Variants in KCNH1 observed in about 807,000 individuals in gnomAD.
KCNH1 encodes voltage-gated delayed rectifier potassium channel KCNH1.
A neutral mutation model predicts 69.2 loss-of-function variants in KCNH1; 27 were observed. The ratio of observed to expected loss-of-function variants is 0.39; its 90% confidence interval spans 0.29 to 0.54. The LOEUF (loss-of-function observed/expected upper bound fraction) is 0.54, where lower values mean the gene tolerates loss of function less well. KCNH1 is among the 20% of genes least tolerant of loss of function. The pLI is 0.68. For synonymous variants in KCNH1, 456 were observed against 487.7 expected (o/e 0.93, Z 0.86); for missense variants, 798 against 1,261.6 (o/e 0.63, Z 5.57).
At chr1:211,005,809 A>G (rs139208841) in intron 6 of KCNH1, among the ~76,000 whole-genome samples, 1 of 152,274 alleles carries the variant, frequency 6.6e-6, no homozygotes, top group South Asian at 2.1e-4. Flanking sequence ...AAAAACACAC[A>G]GTAGGGAAAA....
intron 1 of KCNH1, among the ~76,000 whole-genome samples, chr1:211,119,591 G>A (rs1290791656): frequency 6.6e-6 from 1 of 151,802 alleles, no homozygotes; most frequent in Non-Finnish European, 1.5e-5. Flanking sequence ...AGAATGGAGA[G>A]GATGGAATGA....
At chr1:210,764,352 A>G (rs1365600918) in intron 10 of KCNH1, among the ~76,000 whole-genome samples, 1 of 152,176 alleles carries the variant, frequency 6.6e-6, no homozygotes, top group Non-Finnish European at 1.5e-5. Context: ...TGCAACAAAA[A>G]TTAAAATTGA....
intron 6 of KCNH1, among the ~76,000 whole-genome samples, chr1:210,923,721 G>C (rs541175694): frequency 7.9e-5 from 12 of 152,266 alleles, no homozygotes; most frequent in Admixed American, 5.9e-4. Flanking sequence ...ACATTGCCTT[G>C]CATTAATTTC....
At chr1:210,902,604 G>A (rs1687019426) in intron 7 of KCNH1, among the ~76,000 whole-genome samples, 1 of 152,206 alleles carries the variant, frequency 6.6e-6, no homozygotes, top group South Asian at 2.1e-4. Flanking sequence ...ATGGCTGAAA[G>A]TGGTGGTTTC....
At chr1:211,086,447 C>T (rs1690953966) in intron 4 of KCNH1, among the ~76,000 whole-genome samples, 1 of 152,086 alleles carries the variant, frequency 6.6e-6, no homozygotes, top group Non-Finnish European at 1.5e-5. Context: ...GCAAGTTAGG[C>T]ATAACAGGGC....
chr1:210,887,778 C>G (rs4378273), intron 7 of KCNH1, among the ~76,000 whole-genome samples: 144,254 of 145,134 alleles, frequency 0.99, 71,692 homozygotes, highest in East Asian at 1. Context: ...TGATAAAACA[C>G]ACTTTAAACC....
At chr1:210,917,221 G>GAAAGAAAGAAAGAAAGAA (rs67344915) in intron 7 of KCNH1, among the ~76,000 whole-genome samples, 64 of 110,086 alleles carry the variant, frequency 5.8e-4, no homozygotes, top group South Asian at 9.7e-4. Flanking sequence ...GAGAGAGAGA[G>GAAAGAAAGAAAGAAAGAA]AGAGAGAGAG....
At chr1:210,687,979 G>T (rs556614114) in intron 10 of KCNH1, among the ~76,000 whole-genome samples, 15 of 152,280 alleles carry the variant, frequency 9.9e-5, no homozygotes, top group African/African-American at 3.6e-4. Flanking sequence ...GGGAACAAGT[G>T]TGTCCAAAGT....
At chr1:211,112,164 C>T (rs1428540735) in intron 1 of KCNH1, among the ~76,000 whole-genome samples, 1 of 149,864 alleles carries the variant, frequency 6.7e-6, no homozygotes, top group Non-Finnish European at 1.5e-5. Flanking sequence ...CGCCACTGCA[C>T]CGTCTGGGAA....
Position 210,804,127 on chromosome 1 carries a change from A to T in KCNH1, c.1502T>A (p.Ile501Asn). ...YATIFGNVTT[I>N]FQQMYANTNR... ...GGTGTTGGCATACATCTGTTGGAAA[A>T]TAGTCGTCACATTCCCGAAGATGGT... Residue 501 changes from isoleucine to asparagine, a missense_variant, in exon 8 of 11, where the codon ATT becomes AAT. Ile to Asn is a moderately radical substitution (Grantham distance 149). Around this residue, in one of 4 missense-constraint regions of KCNH1, gnomAD observed 197 missense variants for 407.7 expected, o/e 0.48. Transcript: ENST00000271751. The T allele has an allele frequency of 1.2e-6, 2 of 1,614,048 alleles. No homozygotes were observed. Among genetic ancestry groups the T allele is most frequent in the Non-Finnish European group, 1.7e-6 (2 of 1,179,962 alleles).
intron 3 of KCNH1, among the ~76,000 whole-genome samples, chr1:211,098,187 G>A (rs1022566738): frequency 2.6e-5 from 4 of 151,938 alleles, no homozygotes; most frequent in South Asian, 4.2e-4. Flanking sequence ...TGAGCATGAC[G>A]GTGTGTGCCT....
rs1289028547 is a variant in KCNH1 at position 210,693,242 on chromosome 1, C to T, written c.2113-9104G>A. ...ATGAAATAACATGAGAGAAGCCCCC[C>T]TCCCTTCACATTTATAAACCAATGC... On this transcript the variant is annotated intron_variant, in intron 10 of 10. Coordinates refer to ENST00000271751, the MANE Select transcript of KCNH1 (RefSeq NM_172362.3). Among the ~76,000 whole-genome samples the T allele has an allele frequency of 2.6e-5, 4 of 152,336 alleles. No individual in the cohort carries two copies. In the East Asian group the frequency reaches 5.8e-4, roughly 22 times the overall value.
At chr1:210,778,884 C>T (rs187836382) in intron 9 of KCNH1, among the ~76,000 whole-genome samples, 35 of 152,188 alleles carry the variant, frequency 2.3e-4, no homozygotes, top group Non-Finnish European at 3.5e-4. Flanking sequence ...ATTTGGGAGT[C>T]GTTTTTCTAA....
intron 7 of KCNH1, chr1:210,860,506 A>T: frequency 1.2e-6 from 1 of 841,230 alleles, no homozygotes; most frequent in Non-Finnish European, 2.1e-6. Context: ...CCCTGTCTGG[A>T]TTACTTGGCT....
At chr1:211,041,439 A>G (rs1322288507) in intron 5 of KCNH1, among the ~76,000 whole-genome samples, 2 of 152,124 alleles carry the variant, frequency 1.3e-5, no homozygotes, top group South Asian at 2.1e-4. Flanking sequence ...CCAAATAAAT[A>G]TAACTCAGGA....
chr1:210,967,056 G>T (rs189933586), intron 6 of KCNH1, among the ~76,000 whole-genome samples: 1 of 150,564 alleles, frequency 6.6e-6, no homozygotes, highest in African/African-American at 2.4e-5. Flanking sequence ...TTGAGTTCAT[G>T]TCAAACTAAC....
chr1:211,121,289 G>A (rs1691678656), intron 1 of KCNH1, among the ~76,000 whole-genome samples: 1 of 152,080 alleles, frequency 6.6e-6, no homozygotes, highest in African/African-American at 2.4e-5. Flanking sequence ...ACACTACGAG[G>A]CTATAATAAC....
intron 7 of KCNH1, among the ~76,000 whole-genome samples, chr1:210,874,663 A>G (rs1686328692): frequency 6.6e-6 from 1 of 152,204 alleles, no homozygotes; most frequent in Non-Finnish European, 1.5e-5. Context: ...GGCACAATAC[A>G]ATAGATTTTT....
At chr1:210,722,551 T>C (rs1682496237) in intron 10 of KCNH1, among the ~76,000 whole-genome samples, 2 of 152,204 alleles carry the variant, frequency 1.3e-5, no homozygotes, top group Admixed American at 1.3e-4. Context: ...AGATGAGTCC[T>C]GCCCTCTACT....
Sources: allele counts gnomAD v4.1 joint callset (sites outside exome capture counted in the v4.1 genomes callset), GRCh38; gene constraint gnomAD v4.1.1; regional missense constraint gnomAD v4.1.1; transcripts MANE v1.5; gene names NCBI Gene and HGNC (gene_info 2026-07-23, HGNC 2026-07-21).